ULK4: variants seen among roughly 807,000 people sequenced by gnomAD.
ULK4 encodes the protein unc-51 like kinase 4, also known as inactive serine/threonine-protein kinase ULK4.
Under a neutral mutation model 160.6 loss-of-function variants are expected in ULK4, and 133 were observed. The observed-to-expected ratio is 0.83, with a 90% CI of 0.72 to 0.96. ULK4 has a LOEUF of 0.96. ULK4 is among the 40% of genes least tolerant of loss of function. The probability of loss-of-function intolerance (pLI) is 0.00; values close to 1 mark genes in which losing one functional copy is unlikely to be tolerated. For synonymous variants in ULK4, 534 were observed against 539.8 expected (o/e 0.99, Z 0.15); for missense variants, 1,580 against 1,499.5 (o/e 1.05, Z -0.89).
At chr3:41,583,878 G>A (rs1393045766) in intron 31 of ULK4, among the ~76,000 whole-genome samples, 1 of 152,204 alleles carries the variant, frequency 6.6e-6, no homozygotes, top group Non-Finnish European at 1.5e-5. Context: ...AATGTGGGAT[G>A]GAGCAGAGGA....
intron 35 of ULK4, among the ~76,000 whole-genome samples, chr3:41,252,762 T>C (rs999134599): frequency 1.3e-5 from 2 of 152,108 alleles, no homozygotes; most frequent in Non-Finnish European, 2.9e-5. Context: ...TGACTAAAAC[T>C]ATTCCAAAAC....
Position 41,941,659 on chromosome 3 carries a change from C to T in ULK4, c.139-3462G>A, listed in dbSNP as rs562931632. ...GTGGTCCCAGCTACTAGGGAGGCTG[C>T]GGCAGGAGGATCCATTGAGCCCGGG... On this transcript the variant is annotated intron_variant, in intron 2 of 36. Transcript: ENST00000301831. Among the ~76,000 whole-genome samples, 12 of 140,966 alleles carry T rather than the reference C, an allele frequency of 8.5e-5. No homozygotes were observed. The East Asian group carries it at 1.1e-3, about 13-fold the overall frequency. The allele number at this position is 140,966 out of a possible 152,430, so 92.5% of individuals were successfully genotyped here. A position where few individuals can be genotyped will look rare whatever the true frequency, so the allele number is the denominator to read the frequency against.
At chr3:41,677,887 G>A (rs1470414132) in intron 29 of ULK4, among the ~76,000 whole-genome samples, 1 of 152,066 alleles carries the variant, frequency 6.6e-6, no homozygotes, top group Non-Finnish European at 1.5e-5. Context: ...GAAGCAAATG[G>A]TCCTCCCTAA....
At chr3:41,625,169 A>T (rs939643669) in intron 30 of ULK4, among the ~76,000 whole-genome samples, 1 of 152,204 alleles carries the variant, frequency 6.6e-6, no homozygotes, top group African/African-American at 2.4e-5. Context: ...GCATGTTTTT[A>T]ATTAAAAGAA....
Position 41,580,415 on chromosome 3 carries a change from G to A in ULK4, c.3121-14285C>T, listed in dbSNP as rs866480630. Among the ~76,000 whole-genome samples the A allele has an allele frequency of 4.0e-5, 6 of 150,702 alleles. 1 individual carries two copies. In the Middle Eastern group the frequency reaches 0.014, roughly 342 times the overall value. The stretch of plus-strand genomic sequence containing the variant: ...AAAAAAACCTGTTTGGGAGGCATAA[G>A]AAATCATCTATATATTGAAATTTGG... On this transcript the variant is annotated intron_variant, in intron 31 of 36. Coordinates refer to ENST00000301831, the MANE Select transcript of ULK4 (RefSeq NM_017886.4).
intron 21 of ULK4, among the ~76,000 whole-genome samples, chr3:41,770,594 C>A (rs143653318): frequency 0.012 from 1,860 of 151,184 alleles, 37 homozygotes; most frequent in African/African-American, 0.041. Context: ...ACTGCAACCT[C>A]CAGTCTCCCA....
chr3:41,402,488 T>C (rs866204220), intron 34 of ULK4, among the ~76,000 whole-genome samples: 2 of 152,178 alleles, frequency 1.3e-5, no homozygotes, highest in African/African-American at 4.8e-5. Context: ...GTGCTAGCTG[T>C]AAATTTTTCA....
chr3:41,607,871 C>A (rs188387513), intron 31 of ULK4, among the ~76,000 whole-genome samples: 44 of 152,284 alleles, frequency 2.9e-4, no homozygotes, highest in Admixed American at 8.5e-4. Context: ...ATTATAAAGA[C>A]AGATACAAAC....
At chr3:41,564,962 T>C (rs1289450294) in intron 32 of ULK4, among the ~76,000 whole-genome samples, 3 of 152,156 alleles carry the variant, frequency 2.0e-5, no homozygotes, top group African/African-American at 7.2e-5. Context: ...TTTTATATCA[T>C]ATGTTTGCCA....
chr3:41,942,890 T>C (rs902262561), intron 2 of ULK4, among the ~76,000 whole-genome samples: 4 of 152,028 alleles, frequency 2.6e-5, no homozygotes, highest in African/African-American at 4.8e-5. Flanking sequence ...GAAGTGATCA[T>C]ACATTGTGTA....
In ULK4 at chr3:41,429,041, G is replaced by A. The variant is rs797017588; in HGVS notation, c.3492+26456C>T. Among the ~76,000 whole-genome samples, 95 of 149,564 alleles carry A rather than the reference G, an allele frequency of 6.4e-4. No individual in the cohort carries two copies. The Middle Eastern group carries it at 0.01, about 16-fold the overall frequency. On this transcript the variant is annotated intron_variant, in intron 34 of 36. Transcript: ENST00000301831. ...AGGTCTAATATCCAGAATCTACAAC[G>A]AACTTAAATTTACAAGAAAAAAAAA...
At chr3:41,706,056 C>T (rs556063854) in intron 25 of ULK4, among the ~76,000 whole-genome samples, 39 of 152,074 alleles carry the variant, frequency 2.6e-4, no homozygotes, top group Non-Finnish European at 4.1e-4. Flanking sequence ...TTTTGAGTTC[C>T]TCCTAGATAC....
intron 34 of ULK4, among the ~76,000 whole-genome samples, chr3:41,455,210 T>C (rs1291996603): frequency 6.6e-6 from 1 of 152,198 alleles, no homozygotes; most frequent in African/African-American, 2.4e-5. Context: ...AGCAATTTCT[T>C]CTTTCCTCTT....
intron 31 of ULK4, among the ~76,000 whole-genome samples, chr3:41,604,977 T>C (rs1470815312): frequency 1.3e-5 from 2 of 152,132 alleles, no homozygotes; most frequent in East Asian, 3.8e-4. Flanking sequence ...ATTGATTTAA[T>C]AAATCATGTG....
intron 2 of ULK4, among the ~76,000 whole-genome samples, 195 bp downstream of exon 2, chr3:41,954,427 A>T (rs1700416283): frequency 6.6e-6 from 1 of 152,026 alleles, no homozygotes; most frequent in Admixed American, 6.6e-5. Context: ...AAAGAAAATT[A>T]AGTTAGTCAT....
chr3:41,523,015 G>A lies in ULK4; in HGVS notation c.3226+43010C>T, dbSNP rs570802375. Among the ~76,000 whole-genome samples the A allele has an allele frequency of 2.6e-5, 4 of 152,198 alleles. No homozygotes were observed. The South Asian group carries it at 6.2e-4, about 24-fold the overall frequency. On this transcript the variant is annotated intron_variant, in intron 32 of 36. Transcript: ENST00000301831. ...TAACCTCCACCTCCCAGGTTCAAGC[G>A]ATTCTGCCTCAGCCTCTTGAGTAGC...
At chr3:41,371,209 T>C (rs912663518) in intron 35 of ULK4, among the ~76,000 whole-genome samples, 26 of 152,172 alleles carry the variant, frequency 1.7e-4, no homozygotes, top group African/African-American at 6.3e-4. Context: ...GGGGCGGCTG[T>C]GGGCACAGCT....
At chr3:41,530,044 A>G (rs890485160) in intron 32 of ULK4, among the ~76,000 whole-genome samples, 2 of 152,318 alleles carry the variant, frequency 1.3e-5, no homozygotes, top group African/African-American at 2.4e-5. Context: ...GGAATTACAT[A>G]GTGAAAATAG....
At chr3:41,311,037 G>C (rs1479675785) in intron 35 of ULK4, among the ~76,000 whole-genome samples, 1 of 151,580 alleles carries the variant, frequency 6.6e-6, no homozygotes, top group Non-Finnish European at 1.5e-5. Context: ...AGGAAAGAAG[G>C]AAGGAAGGGA....
Sources: gnomAD v4.1 joint callset for allele counts (sites outside exome capture counted in the v4.1 genomes callset) on GRCh38, gnomAD v4.1.1 for gene constraint, MANE v1.5 for transcripts, NCBI Gene and HGNC (gene_info 2026-07-23, HGNC 2026-07-21) for gene names.